The following RGS7 variants were observed in gnomAD, a reference collection of about 807,000 sequenced individuals.
The protein encoded by RGS7 is regulator of G-protein signaling 7.
A neutral mutation model predicts 81.1 loss-of-function variants in RGS7; 27 were observed. That is an observed-to-expected ratio of 0.33 (90% CI 0.25 to 0.46). The LOEUF is 0.46. Ranked by LOEUF, RGS7 falls within the 20% of genes least tolerant of loss-of-function variation. The pLI, the probability that RGS7 is intolerant of heterozygous loss-of-function variation, is 1.00. For missense variants in RGS7, 396 were observed against 607.4 expected, an observed-to-expected ratio of 0.65 and a Z score of 3.66; for synonymous variants, 208 against 207.7, an observed-to-expected ratio of 1.00 and a Z score of -0.01.
At chr1:240,927,477 T>C (rs1674655168) in intron 6 of RGS7, among the ~76,000 whole-genome samples, 1 of 152,202 alleles carries the variant, frequency 6.6e-6, no homozygotes, top group Non-Finnish European at 1.5e-5. Flanking sequence ...CCCAAGTACA[T>C]CACACCATCA....
At chr1:241,151,920 T>C (rs2068784340) in intron 2 of RGS7, among the ~76,000 whole-genome samples, 3 of 152,192 alleles carry the variant, frequency 2.0e-5, no homozygotes, top group Admixed American at 2.0e-4. Flanking sequence ...AGCTCCATGG[T>C]ACCATGTGCT....
At chr1:240,817,433 C>A (rs12408782) in intron 10 of RGS7, among the ~76,000 whole-genome samples, 1 of 151,872 alleles carries the variant, frequency 6.6e-6, no homozygotes, top group African/African-American at 2.4e-5. Flanking sequence ...TTTTCAGGCC[C>A]GTCACCAAGC....
At chr1:241,140,750 T>G (rs950948867) in intron 2 of RGS7, among the ~76,000 whole-genome samples, 10 of 152,218 alleles carry the variant, frequency 6.6e-5, no homozygotes, top group African/African-American at 2.4e-4. Flanking sequence ...CAAGTGTGTC[T>G]TCTCCTTTTT....
intron 18 of RGS7, among the ~76,000 whole-genome samples, chr1:240,793,701 C>A (rs1393433487): frequency 6.7e-6 from 1 of 149,334 alleles, no homozygotes; most frequent in African/African-American, 2.5e-5. Flanking sequence ...GCTCCACCTT[C>A]CCGGTTCACG....
chr1:241,234,081 C>T (rs1050483620), intron 2 of RGS7, among the ~76,000 whole-genome samples: 15 of 152,188 alleles, frequency 9.9e-5, no homozygotes, highest in African/African-American at 3.6e-4. Flanking sequence ...TTATGCATTA[C>T]CTCATCCTAG....
At chr1:240,832,964 C>T (rs1400444042) in intron 9 of RGS7, among the ~76,000 whole-genome samples, 1 of 152,092 alleles carries the variant, frequency 6.6e-6, no homozygotes, top group Non-Finnish European at 1.5e-5. Context: ...TAGTACCAAA[C>T]CCTATATATG....
At chr1:241,245,768 C>CT (rs750216896) in intron 2 of RGS7, among the ~76,000 whole-genome samples, 24 of 151,578 alleles carry the variant, frequency 1.6e-4, no homozygotes, top group Admixed American at 2.6e-4. Context: ...GATGGTGCCA[C>CT]TGCACTCCAG....
chr1:240,831,788 A>C (rs1423362775), intron 9 of RGS7, among the ~76,000 whole-genome samples: 1 of 152,036 alleles, frequency 6.6e-6, no homozygotes, highest in Non-Finnish European at 1.5e-5. Context: ...GGCGGGTGCC[A>C]CCACACCCAG....
chr1:240,970,871 C>A (rs80095883), intron 4 of RGS7, among the ~76,000 whole-genome samples: 4 of 151,436 alleles, frequency 2.6e-5, no homozygotes, highest in Admixed American at 2.6e-4. Flanking sequence ...CCCAGCTACA[C>A]AGGGAGCTGA....
At chr1:241,031,439 C>A (rs1220961229) in intron 3 of RGS7, among the ~76,000 whole-genome samples, 1 of 152,106 alleles carries the variant, frequency 6.6e-6, no homozygotes, top group Non-Finnish European at 1.5e-5. Flanking sequence ...GATAAACATA[C>A]AAGTGCAGGT....
rs769639128 is a variant in RGS7 at position 241,355,678 on chromosome 1, A to G, written c.78+21T>C. 5 of 1,608,344 alleles carry G rather than the reference A, an allele frequency of 3.1e-6. No individual in the cohort carries two copies. In the Admixed American group the frequency reaches 8.3e-5, roughly 27 times the overall value. ...AAAGCCGGAAGTTTCCCGTTTTCCA[A>G]GAAACTGAAGACATTCTTACCTTTC... On this transcript the variant is annotated intron_variant, in intron 2 of 18. Coordinates refer to ENST00000440928, the MANE Select transcript of RGS7 (RefSeq NM_001364886.1).
intron 2 of RGS7, among the ~76,000 whole-genome samples, chr1:241,117,765 T>C (rs1206177496): frequency 6.6e-6 from 1 of 152,170 alleles, no homozygotes; most frequent in African/African-American, 2.4e-5. Context: ...AATATATTTC[T>C]TATCGGATTA....
In RGS7 at chr1:241,327,141, A is replaced by G. The variant is rs536718411; in HGVS notation, c.78+28558T>C. ...AAGAAAGAAAGAAAGAAAGAAAGAA[A>G]GAAAGGAAAGAAAGAAAGAAAGAAA... On this transcript the variant is annotated intron_variant, in intron 2 of 18. Coordinates refer to ENST00000440928, the MANE Select transcript of RGS7 (RefSeq NM_001364886.1). Among the ~76,000 whole-genome samples, 34 of 78,788 alleles carry G rather than the reference A, an allele frequency of 4.3e-4. 1 individual carries two copies. The East Asian group carries it at 0.014, about 33-fold the overall frequency. 51.7% of individuals were successfully genotyped at this position (78,788 alleles called of 152,430 possible).
intron 2 of RGS7, among the ~76,000 whole-genome samples, chr1:241,201,923 C>A (rs1328289796): frequency 6.6e-6 from 1 of 151,862 alleles, no homozygotes; most frequent in East Asian, 1.9e-4. Context: ...ATATGTGTCT[C>A]CCTAAAAGAC....
intron 9 of RGS7, among the ~76,000 whole-genome samples, chr1:240,840,952 G>A (rs151076068): frequency 1.3e-3 from 199 of 152,280 alleles, no homozygotes; most frequent in African/African-American, 4.5e-3. Context: ...ATGTGTGTGT[G>A]TGTGCATTTG....
chr1:241,030,493 TACACAC>T lies in RGS7; in HGVS notation c.176-47370_176-47365del, dbSNP rs10649050. On this transcript the variant is annotated intron_variant, in intron 3 of 18. Transcript: ENST00000440928. ...TATATGCATGGTATGTATATAGATG[TACACAC>T]ACACACACACACACACACACACACA... 9.1e-3 allele frequency among the ~76,000 whole-genome samples: 1,281 copies of T among 140,514 alleles called. 18 individuals carry two copies. The highest frequency in any genetic ancestry group is 0.032 in the African/African-American group (1,221 of 37,956). 92.2% of individuals were successfully genotyped at this position (140,514 alleles called of 152,430 possible). A position where few individuals can be genotyped will look rare whatever the true frequency, so the allele number is the denominator to read the frequency against.
intron 2 of RGS7, among the ~76,000 whole-genome samples, chr1:241,116,684 A>G (rs995847580): frequency 6.6e-6 from 1 of 152,200 alleles, no homozygotes; most frequent in African/African-American, 2.4e-5. Context: ...ATAATTGTAC[A>G]TAGTCATGGG....
intron 2 of RGS7, among the ~76,000 whole-genome samples, chr1:241,215,698 G>A (rs1370293059): frequency 6.6e-6 from 1 of 152,000 alleles, no homozygotes; most frequent in Non-Finnish European, 1.5e-5. Flanking sequence ...CCTCGTAGGG[G>A]AAAAAAACAG....
At chr1:241,172,987 AG>A (rs1257976706) in intron 2 of RGS7, among the ~76,000 whole-genome samples, 1 of 152,230 alleles carries the variant, frequency 6.6e-6, no homozygotes, top group Non-Finnish European at 1.5e-5. Flanking sequence ...TATAAAGGAA[AG>A]CATAGAGCAG....
Sources: gnomAD v4.1 joint callset for allele counts (sites outside exome capture counted in the v4.1 genomes callset) on GRCh38, gnomAD v4.1.1 for gene constraint, MANE v1.5 for transcripts, NCBI Gene and HGNC (gene_info 2026-07-23, HGNC 2026-07-21) for gene names.